Variants in SLC6A19 observed in about 807,000 individuals in gnomAD.
SLC6A19 encodes solute carrier family 6 member 19.
In SLC6A19, 67 loss-of-function variants were observed where a neutral mutation model predicts 68.3. That is an observed-to-expected ratio of 0.98 (90% CI 0.81 to 1.20). SLC6A19 has a LOEUF of 1.20. Among genes scored for constraint, SLC6A19 ranks in the 50% most tolerant of loss-of-function variants. The pLI is 0.00. For synonymous variants in SLC6A19, 392 were observed against 374.9 expected, an observed-to-expected ratio of 1.05 and a Z score of -0.53; for missense variants, 813 against 851.6, an observed-to-expected ratio of 0.95 and a Z score of 0.56.
rs750879384 is a variant in SLC6A19, at chr5:1,216,851, T to C, written c.1079T>C (p.Phe360Ser). The change falls in exon 8 of 12, where the codon TTT (phenylalanine) becomes TCT (serine). Residue 360 changes from phenylalanine to serine, a missense_variant. Transcript: ENST00000304460. ...LPEGNVTQEN[F>S]VDMQQRCNAS... The stretch of plus-strand genomic sequence containing the variant: ...GAAGGCAACGTGACCCAGGAGAACT[T>C]TGTGGACATGCAGCAGCGGTGCAAC... 2 of 1,613,776 alleles carry C rather than the reference T, an allele frequency of 1.2e-6. No individual in the cohort carries two copies. Among genetic ancestry groups the C allele is most frequent in the East Asian group, 2.2e-5 (1 of 44,886 alleles).
In SLC6A19 at chr5:1,216,830, G is replaced by A; in HGVS notation, c.1058G>A (p.Gly353Asp). The change falls in exon 8 of 12, where the codon GGC (glycine) becomes GAC (aspartate). Residue 353 changes from glycine (G) to aspartate (D), a missense_variant. Coordinates refer to ENST00000304460, the MANE Select transcript of SLC6A19 (RefSeq NM_001003841.3). ...TLINGFDLPE[G>D]NVTQENFVDM... ...ATCAACGGGTTCGACCTGCCTGAAGGCAACGTGACCCAGGAGAACTTTGTG... is the reference window on the plus strand; with the variant it reads ...ATCAACGGGTTCGACCTGCCTGAAGACAACGTGACCCAGGAGAACTTTGTG... 6.2e-7 allele frequency: 1 copy of A among 1,613,796 alleles called. No homozygotes were observed.
rs747984234 is a variant in SLC6A19, at chr5:1,212,352, C to T, written c.531C>T (p.Tyr177=). The T allele has an allele frequency of 1.9e-6, 3 of 1,613,606 alleles. No individual in the cohort carries two copies. The highest frequency in any genetic ancestry group is 2.5e-6 in the Non-Finnish European group (3 of 1,179,944). ...GCTCCCCTGTGGACTACTTCTGGTACCGAGAGACGCTCAACATCTCCACGT... is the reference window on the plus strand; with the variant it reads ...GCTCCCCTGTGGACTACTTCTGGTATCGAGAGACGCTCAACATCTCCACGT... ...ARSSPVDYFW[Y]RETLNISTSI... Residue 177 remains tyrosine (Y), a synonymous_variant, in exon 4 of 12, where the codon TAC becomes TAT. Coordinates refer to ENST00000304460, the MANE Select transcript of SLC6A19 (RefSeq NM_001003841.3). This position sits in a 1 kb window ranked among gnomAD's most constrained non-coding sequence, Gnocchi z 5.1.
chr5:1,206,133 G>T (rs1745843792), intron 1 of SLC6A19, among the ~76,000 whole-genome samples: 1 of 152,224 alleles, frequency 6.6e-6, no homozygotes, highest in Non-Finnish European at 1.5e-5. Context: ...GGAGGGGAGA[G>T]AAAAGGCTCC....
chr5:1,221,635 C>T (rs1414001818), intron 11 of SLC6A19, 66 bp from the exon 12 acceptor site: 2 of 1,593,592 alleles, frequency 1.3e-6, no homozygotes, highest in African/African-American at 1.3e-5. Context: ...GGTGAGGGGC[C>T]TTTGCCTCAA....
At chr5:1,204,753 C>A (rs12520454) in intron 1 of SLC6A19, among the ~76,000 whole-genome samples, 63,126 of 152,052 alleles carry the variant, frequency 0.42, 13,798 homozygotes, top group Non-Finnish European at 0.5. Flanking sequence ...CCACCCCTTC[C>A]AGGACCATGT....
At chr5:1,216,417 C>T (rs531237967) in intron 6 of SLC6A19, 141 bp from the exon 7 acceptor site, 22 of 1,258,910 alleles carry the variant, frequency 1.7e-5, no homozygotes, top group African/African-American at 4.4e-5. Context: ...GCAGGGGCTC[C>T]GACTGCCTCC....
At chr5:1,221,379 C>T (rs961209539) in intron 11 of SLC6A19, 66 bp downstream of exon 11, 11 of 1,581,746 alleles carry the variant, frequency 7.0e-6, no homozygotes, top group Admixed American at 6.7e-5. Context: ...GGACACTCAT[C>T]CACACACATG....
At position 1,222,531 on chromosome 5, in the gene SLC6A19, G is replaced by A. The variant is rs1051150180; in HGVS notation, c.*627G>A. On this transcript the variant is annotated 3_prime_UTR_variant, in exon 12 of 12. Coordinates refer to ENST00000304460, the MANE Select transcript of SLC6A19 (RefSeq NM_001003841.3). ...CGTGTGTATATGTGAGCATGTGTAC[G>A]TGTGTGTATACGTGTGTTGTGTATA... 9.6e-5 allele frequency: 39 copies of A among 405,514 alleles called. No homozygotes were observed. Among genetic ancestry groups the A allele is most frequent in the Middle Eastern group, 1.2e-3 (2 of 1,602 alleles). 25.1% of individuals were successfully genotyped at this position (405,514 alleles called of 1,614,324 possible).
In SLC6A19 at chr5:1,206,531, G is replaced by A. The variant is rs1184395162; in HGVS notation, c.203-2215G>A. Among the ~76,000 whole-genome samples the A allele has an allele frequency of 5.3e-5, 8 of 152,178 alleles. No homozygotes were observed. In the East Asian group the frequency reaches 9.6e-4, roughly 18 times the overall value. ...TGGCTAAGGAGACAGTGGCTGGGTC[G>A]GGAAGGGAGGCGATGGGGATGGAAT... On this transcript the variant is annotated intron_variant, in intron 1 of 11. Coordinates refer to ENST00000304460, the MANE Select transcript of SLC6A19 (RefSeq NM_001003841.3).
Position 1,222,296 on chromosome 5 carries a change from A to G in SLC6A19, c.*392A>G, listed in dbSNP as rs1746410528. ...TGTGTGTGCATGTATATATAGACAT[A>G]CATGCCTATGTTGTGTGTGGTGTGC... is the stretch of plus-strand genomic sequence containing the variant. On this transcript the variant is annotated 3_prime_UTR_variant, in exon 12 of 12. Coordinates refer to ENST00000304460, the MANE Select transcript of SLC6A19 (RefSeq NM_001003841.3). 3 of 550,742 alleles carry G rather than the reference A, an allele frequency of 5.4e-6. No individual in the cohort carries two copies. The highest frequency in any genetic ancestry group is 3.3e-5 in the Admixed American group (1 of 30,390). The allele number at this position is 550,742 out of a possible 1,614,324, so 34.1% of individuals were successfully genotyped here.
In SLC6A19 at chr5:1,216,787, A is replaced by C; in HGVS notation, c.1017-2A>C. ...GGCCGTCAGCCTCAATCTGACCCGC[A>C]GGAACATCCTGACCCTCATCAACGG... On this transcript the variant is annotated splice_acceptor_variant, in intron 7 of 11. Coordinates refer to ENST00000304460, the MANE Select transcript of SLC6A19 (RefSeq NM_001003841.3). LOFTEE classifies it high-confidence loss of function. 6.2e-7 allele frequency: 1 copy of C among 1,613,762 alleles called. No homozygotes were observed. Among genetic ancestry groups the C allele is most frequent in the Non-Finnish European group, 8.5e-7 (1 of 1,180,030 alleles).
Position 1,218,933 on chromosome 5 carries a change from G to A in SLC6A19, c.1204G>A (p.Val402Ile), listed in dbSNP as rs148800217. Residue 402 changes from valine (V) to isoleucine (I), a missense_variant, in exon 9 of 12, where the codon GTC becomes ATC. Coordinates refer to ENST00000304460, the MANE Select transcript of SLC6A19 (RefSeq NM_001003841.3). Reference protein sequence around the residue: ...AVEGTGLAFIVFTEAITKMPL... With the variant: ...AVEGTGLAFIIFTEAITKMPL... ...GGAGGGCACAGGCCTGGCCTTCATC[G>A]TCTTCACCGAGGCCATCACCAAGAT... 1.3e-4 allele frequency: 205 copies of A among 1,613,942 alleles called. 1 individual carries two copies. Among genetic ancestry groups the A allele is most frequent in the South Asian group, 3.6e-4 (33 of 91,082 alleles).
chr5:1,205,418 G>A (rs1745825993), intron 1 of SLC6A19, among the ~76,000 whole-genome samples: 1 of 152,240 alleles, frequency 6.6e-6, no homozygotes, highest in Admixed American at 6.5e-5. Context: ...ATTTGGGGTG[G>A]AGTGGGTGTG....
At position 1,221,163 on chromosome 5, in the gene SLC6A19, C is replaced by T; in HGVS notation, c.1551C>T (p.Asp517=). 3 of 1,613,798 alleles carry T rather than the reference C, an allele frequency of 1.9e-6. No homozygotes were observed. The highest frequency in any genetic ancestry group is 1.7e-4 in the Middle Eastern group (1 of 6,058). The stretch of plus-strand genomic sequence containing the variant: ...CTGGCCTTGGCAGGTTCAATAAGGA[C>T]ATCGAGTTCATGATCGGCCACAAGC... ...YVYGVDRFNK[D]IEFMIGHKPN... Residue 517 remains aspartate (D), a synonymous_variant, in exon 11 of 12, where the codon GAC becomes GAT. Coordinates refer to ENST00000304460, the MANE Select transcript of SLC6A19 (RefSeq NM_001003841.3).
At chr5:1,213,046 C>A (rs1746089737) in intron 4 of SLC6A19, among the ~76,000 whole-genome samples, 1 of 137,472 alleles carries the variant, frequency 7.3e-6, no homozygotes, top group African/African-American at 2.8e-5. Context: ...ATTCCACATA[C>A]CCAGCCGCCC....
rs1233880456 is a variant in SLC6A19, at chr5:1,213,689, C to G, written c.774+116C>G. 4 of 1,157,048 alleles carry G rather than the reference C, an allele frequency of 3.5e-6. No individual in the cohort carries two copies. In the Admixed American group the frequency reaches 7.9e-5, roughly 23 times the overall value. 71.7% of individuals were successfully genotyped at this position (1,157,048 alleles called of 1,614,324 possible). ...GGGGACAGGCAGCCTGCTGCTCGACCAGTCCCAGGCCTGAGGAGGTCCACG... is the reference window on the plus strand; with the variant it reads ...GGGGACAGGCAGCCTGCTGCTCGACGAGTCCCAGGCCTGAGGAGGTCCACG... On this transcript the variant is annotated intron_variant, in intron 5 of 11. Coordinates refer to ENST00000304460, the MANE Select transcript of SLC6A19 (RefSeq NM_001003841.3).
rs1746080132 is a variant in SLC6A19, at chr5:1,212,753, T to C, written c.663+269T>C. On this transcript the variant is annotated intron_variant, in intron 4 of 11. Transcript: ENST00000304460. The surrounding 1 kb of genome is among the most constrained non-coding windows in gnomAD (Gnocchi z 5.1). ...GACACTTAGCGTTATGTAGGAGTAA[T>C]ACAAACTACCAGAAAGAGATAGACG... Among the ~76,000 whole-genome samples the C allele has an allele frequency of 6.6e-6, 1 of 152,074 alleles. No individual in the cohort carries two copies. The highest frequency in any genetic ancestry group is 2.4e-5 in the African/African-American group (1 of 41,366).
In SLC6A19 at chr5:1,221,921, G is replaced by C. The variant is rs371485098; in HGVS notation, c.*17G>C. 121 of 1,612,702 alleles carry C rather than the reference G, an allele frequency of 7.5e-5. No homozygotes were observed. In the African/African-American group the frequency reaches 1.3e-3, roughly 18 times the overall value. On this transcript the variant is annotated 3_prime_UTR_variant, in exon 12 of 12. Coordinates refer to ENST00000304460, the MANE Select transcript of SLC6A19 (RefSeq NM_001003841.3). ...AAGTACTGAGAAGGCCCATCCCACG[G>C]CGTGCCATACACTGGTGTCAGGGAA... is the stretch of plus-strand genomic sequence containing the variant.
At chr5:1,216,013 AT>A (rs535728095) in intron 6 of SLC6A19, among the ~76,000 whole-genome samples, 38 of 152,320 alleles carry the variant, frequency 2.5e-4, no homozygotes, top group African/African-American at 8.9e-4. Flanking sequence ...ATCTGGAAGG[AT>A]GGTGTCAGCA....
Sources: gnomAD v4.1 joint callset for allele counts (sites outside exome capture counted in the v4.1 genomes callset) on GRCh38, gnomAD v4.1.1 for gene constraint, Gnocchi (gnomAD v3.1) non-coding constraint, MANE v1.5 for transcripts, NCBI Gene and HGNC (gene_info 2026-07-23, HGNC 2026-07-21) for gene names.